The following ZNF521 variants were observed in gnomAD, a reference collection of about 807,000 sequenced individuals.
The protein encoded by ZNF521 is zinc finger protein 521.
Under a neutral mutation model 105.5 loss-of-function variants are expected in ZNF521, and 14 were observed. The ratio of observed to expected loss-of-function variants is 0.13; its 90% CI spans 0.09 to 0.21. ZNF521 has a LOEUF of 0.21. Ranked by LOEUF, ZNF521 falls within the 10% of genes least tolerant of loss-of-function variation. The probability of loss-of-function intolerance (pLI) is 1.00; values close to 1 mark genes in which losing one functional copy is unlikely to be tolerated. For missense variants in ZNF521, 1,233 were observed against 1,629.7 expected, an observed-to-expected ratio of 0.76 and a Z score of 4.19; for synonymous variants, 635 against 606.0, an observed-to-expected ratio of 1.05 and a Z score of -0.70.
intron 3 of ZNF521, among the ~76,000 whole-genome samples, chr18:25,261,879 G>A (rs914487725): frequency 1.3e-5 from 2 of 152,064 alleles, no homozygotes; most frequent in Admixed American, 6.6e-5. Flanking sequence ...CCTGCTGTGC[G>A]GAAGGACTTG....
At chr18:25,207,507 C>T (rs373455720) in intron 4 of ZNF521, among the ~76,000 whole-genome samples, 7 of 152,252 alleles carry the variant, frequency 4.6e-5, no homozygotes, top group Admixed American at 6.5e-5. Context: ...ACACTTTCAG[C>T]GCATAGAATG....
chr18:25,230,141 T>C (rs543319120), intron 3 of ZNF521, among the ~76,000 whole-genome samples: 42 of 152,280 alleles, frequency 2.8e-4, no homozygotes, highest in Non-Finnish European at 5.4e-4. Context: ...ACCTTTTCTT[T>C]CTTCTCTCCA....
At chr18:25,254,007 G>C (rs374001552) in intron 3 of ZNF521, among the ~76,000 whole-genome samples, 1 of 152,288 alleles carries the variant, frequency 6.6e-6, no homozygotes, top group South Asian at 2.1e-4. Context: ...TGCTGTCACA[G>C]AGAAAAGTAC....
intron 3 of ZNF521, among the ~76,000 whole-genome samples, chr18:25,294,373 G>A (rs1911203478): frequency 6.6e-6 from 1 of 152,146 alleles, no homozygotes. Context: ...CTACAAATTA[G>A]TTGTCAAATT....
chr18:25,121,760 T>C (rs938898085), intron 5 of ZNF521, among the ~76,000 whole-genome samples: 2 of 151,976 alleles, frequency 1.3e-5, no homozygotes, highest in African/African-American at 4.8e-5. Flanking sequence ...AAATTAAAGG[T>C]TGCTCTGCAA....
intron 4 of ZNF521, among the ~76,000 whole-genome samples, chr18:25,219,284 T>C (rs1905539068): frequency 6.6e-6 from 1 of 152,162 alleles, no homozygotes; most frequent in African/African-American, 2.4e-5. Flanking sequence ...AAGAGTCAAC[T>C]GTACATATGA....
intron 5 of ZNF521, among the ~76,000 whole-genome samples, chr18:25,102,002 T>C (rs2033974054): frequency 6.6e-6 from 1 of 152,146 alleles, no homozygotes; most frequent in Non-Finnish European, 1.5e-5. Context: ...AATACAGCAA[T>C]GATACACTTA....
At chr18:25,282,713 C>T (rs962432146) in intron 3 of ZNF521, among the ~76,000 whole-genome samples, 3 of 152,132 alleles carry the variant, frequency 2.0e-5, no homozygotes, top group Non-Finnish European at 2.9e-5. Context: ...CAAAATGCCA[C>T]ACCTAAAAAG....
chr18:25,252,817 A>G (rs1475106191), intron 3 of ZNF521, among the ~76,000 whole-genome samples: 1 of 152,156 alleles, frequency 6.6e-6, no homozygotes, highest in Non-Finnish European at 1.5e-5. Context: ...GAAATGCTTT[A>G]TATCTGAGTT....
At chr18:25,105,473 C>T (rs1448015142) in intron 5 of ZNF521, among the ~76,000 whole-genome samples, 1 of 152,098 alleles carries the variant, frequency 6.6e-6, no homozygotes, top group Admixed American at 6.6e-5. Flanking sequence ...AAAAATGAGA[C>T]TCTTATTGTT....
At chr18:25,214,245 ATTC>A (rs1012386348) in intron 4 of ZNF521, among the ~76,000 whole-genome samples, 2 of 152,106 alleles carry the variant, frequency 1.3e-5, no homozygotes, top group Admixed American at 6.6e-5. Flanking sequence ...GAATTATTGC[ATTC>A]TTTTTATAGT....
intron 4 of ZNF521, among the ~76,000 whole-genome samples, chr18:25,198,216 T>C (rs942317827): frequency 2.6e-5 from 4 of 152,002 alleles, no homozygotes; most frequent in Non-Finnish European, 4.4e-5. Context: ...TACTGATAGA[T>C]GTAATTATCA....
intron 5 of ZNF521, among the ~76,000 whole-genome samples, chr18:25,148,657 C>G (rs76683168): frequency 0.013 from 1,946 of 151,982 alleles, 43 homozygotes; most frequent in African/African-American, 0.045. Context: ...CTACCTGCTG[C>G]AAAACTGTAA....
chr18:25,290,727 C>T (rs571654676), intron 3 of ZNF521, among the ~76,000 whole-genome samples: 299 of 151,216 alleles, frequency 2.0e-3, no homozygotes, highest in African/African-American at 6.8e-3. Flanking sequence ...TCTCGTGCCT[C>T]AGCCTCCTGA....
chr18:25,113,296 C>A (rs1308694988), intron 5 of ZNF521, among the ~76,000 whole-genome samples: 1 of 152,096 alleles, frequency 6.6e-6, no homozygotes, highest in Non-Finnish European at 1.5e-5. Context: ...CTAGTTACAG[C>A]CCCACCAGGG....
intron 3 of ZNF521, among the ~76,000 whole-genome samples, chr18:25,239,814 G>A (rs1159412342): frequency 1.3e-5 from 2 of 152,182 alleles, no homozygotes; most frequent in African/African-American, 4.8e-5. Context: ...TTGATCTCAA[G>A]TGATTTTTAT....
chr18:25,329,318 A>G (rs1913416185), intron 2 of ZNF521, among the ~76,000 whole-genome samples: 1 of 152,154 alleles, frequency 6.6e-6, no homozygotes, highest in South Asian at 2.1e-4. Flanking sequence ...ACTTTTCTGC[A>G]TATGTTATTT....
At chr18:25,309,693 T>C (rs867479807) in intron 3 of ZNF521, among the ~76,000 whole-genome samples, 2 of 152,268 alleles carry the variant, frequency 1.3e-5, no homozygotes, top group African/African-American at 4.8e-5. Flanking sequence ...ATATAATAGA[T>C]TTGACAGATT....
At chr18:25,319,939 G>A (rs1912848609) in intron 3 of ZNF521, among the ~76,000 whole-genome samples, 1 of 152,158 alleles carries the variant, frequency 6.6e-6, no homozygotes, top group Non-Finnish European at 1.5e-5. Context: ...AAATTGATGG[G>A]TATTTTGTAA....
Sources: gnomAD v4.1 joint callset for allele counts (sites outside exome capture counted in the v4.1 genomes callset) on GRCh38, gnomAD v4.1.1 for gene constraint, MANE v1.5 for transcripts, NCBI Gene and HGNC (gene_info 2026-07-23, HGNC 2026-07-21) for gene names.